Variants in MARCHF4 observed in about 807,000 individuals in gnomAD.
MARCHF4 encodes the protein membrane associated ring-CH-type finger 4.
Under a neutral mutation model 43.9 loss-of-function variants are expected in MARCHF4, and 14 were observed. The ratio of observed to expected loss-of-function variants is 0.32; its 90% CI spans 0.21 to 0.50. MARCHF4 has a LOEUF of 0.50. Ranked by LOEUF, MARCHF4 falls within the 20% of genes least tolerant of loss-of-function variation. The pLI is 0.98. For synonymous variants in MARCHF4, 226 were observed against 213.3 expected, an observed-to-expected ratio of 1.06 and a Z score of -0.52; for missense variants, 468 against 536.7, an observed-to-expected ratio of 0.87 and a Z score of 1.27.
intron 1 of MARCHF4, among the ~76,000 whole-genome samples, chr2:216,294,004 C>CA (rs145416856): frequency 0.1 from 10,043 of 100,824 alleles, 2,245 homozygotes; most frequent in Non-Finnish European, 0.17. Context: ...CAAACAGCTA[C>CA]AGTTAAAGAC....
intron 1 of MARCHF4, among the ~76,000 whole-genome samples, chr2:216,360,776 C>T (rs6725190): frequency 0.066 from 10,062 of 152,198 alleles, 883 homozygotes; most frequent in East Asian, 0.43. Context: ...AATGATGTGT[C>T]AGTGTAGGGT....
At chr2:216,277,373 C>T (rs1193419549) in intron 3 of MARCHF4, among the ~76,000 whole-genome samples, 1 of 152,198 alleles carries the variant, frequency 6.6e-6, no homozygotes, top group Non-Finnish European at 1.5e-5. Flanking sequence ...GCACATCCTG[C>T]TTGAAGTACA....
intron 3 of MARCHF4, among the ~76,000 whole-genome samples, chr2:216,270,818 A>G (rs923986453): frequency 1.3e-5 from 2 of 151,934 alleles, no homozygotes; most frequent in African/African-American, 4.8e-5. Context: ...GAGGGACCCA[A>G]ACAACCCTAT....
Position 216,277,802 on chromosome 2 carries a change from G to A in MARCHF4, c.735C>T (p.Ser245=). The A allele has an allele frequency of 6.2e-7, 1 of 1,614,122 alleles. No homozygotes were observed. The change falls in exon 3 of 4, where the codon TCC becomes TCT. Residue 245 remains serine (S), a synonymous_variant. Transcript: ENST00000273067. ...KVQVAAAILG[S]LFLIASISWL... ...AAGAAATACTGGCGATGAGGAAGAG[G>A]GAGCCCAGGATGGCGGCTGCAACCT...
At chr2:216,305,667 C>T (rs187933326) in intron 1 of MARCHF4, among the ~76,000 whole-genome samples, 3 of 152,336 alleles carry the variant, frequency 2.0e-5, no homozygotes, top group Non-Finnish European at 2.9e-5. Flanking sequence ...CACCCACAGA[C>T]TCAGACTCTA....
chr2:216,283,344 C>G (rs558750032), intron 2 of MARCHF4, among the ~76,000 whole-genome samples: 24 of 152,238 alleles, frequency 1.6e-4, no homozygotes, highest in African/African-American at 5.5e-4. Flanking sequence ...GTATCTATTT[C>G]CCTCTCTTTG....
chr2:216,362,006 A>G (rs1692590264), intron 1 of MARCHF4, among the ~76,000 whole-genome samples: 1 of 152,216 alleles, frequency 6.6e-6, no homozygotes. Context: ...ATCTAGGTCC[A>G]GGGAGGTTAA....
chr2:216,288,668 TG>T, intron 1 of MARCHF4, among the ~76,000 whole-genome samples: 1 of 152,092 alleles, frequency 6.6e-6, no homozygotes, highest in Middle Eastern at 3.4e-3. Context: ...ATGGGTTAAG[TG>T]GGGTCGTGCT....
intron 1 of MARCHF4, among the ~76,000 whole-genome samples, chr2:216,326,727 C>T (rs544201005): frequency 7.6e-4 from 114 of 150,826 alleles, no homozygotes; most frequent in African/African-American, 2.3e-3. Flanking sequence ...AACCAAACAC[C>T]GCATATTCTC....
intron 1 of MARCHF4, among the ~76,000 whole-genome samples, chr2:216,287,894 C>G (rs1022209602): frequency 6.6e-6 from 1 of 152,074 alleles, no homozygotes; most frequent in African/African-American, 2.4e-5. Context: ...CTCTTAACCT[C>G]TCTGAGGCTC....
chr2:216,279,184 G>A (rs1218734860), intron 2 of MARCHF4, among the ~76,000 whole-genome samples: 1 of 152,232 alleles, frequency 6.6e-6, no homozygotes, highest in African/African-American at 2.4e-5. Flanking sequence ...TGACTAAGCG[G>A]TTACTAGGCA....
intron 1 of MARCHF4, among the ~76,000 whole-genome samples, chr2:216,286,057 C>A (rs1372768281): frequency 3.9e-5 from 6 of 152,178 alleles, no homozygotes; most frequent in Non-Finnish European, 8.8e-5. Context: ...TGGGAGCCCC[C>A]TGAGCCTCAG....
intron 1 of MARCHF4, among the ~76,000 whole-genome samples, chr2:216,341,412 C>A (rs778508187): frequency 3.3e-5 from 5 of 152,216 alleles, no homozygotes; most frequent in Non-Finnish European, 4.4e-5. Flanking sequence ...GCCGCCCAGA[C>A]CCCACCCACA....
chr2:216,340,108 A>T (rs533340880), intron 1 of MARCHF4, among the ~76,000 whole-genome samples: 38 of 152,130 alleles, frequency 2.5e-4, no homozygotes, highest in African/African-American at 8.7e-4. Flanking sequence ...CCTCGCCCCA[A>T]ACAAAAGAAA....
intron 1 of MARCHF4, among the ~76,000 whole-genome samples, chr2:216,302,118 A>G (rs967846523): frequency 2.0e-5 from 3 of 152,228 alleles, no homozygotes; most frequent in African/African-American, 7.2e-5. Context: ...AATTTGCAGT[A>G]AACTCTACTT....
chr2:216,359,083 G>A (rs2105983507), intron 1 of MARCHF4, among the ~76,000 whole-genome samples: 1 of 152,298 alleles, frequency 6.6e-6, no homozygotes, highest in South Asian at 2.1e-4. Flanking sequence ...AAACCCCCAA[G>A]CTTCAGTGTC....
intron 3 of MARCHF4, among the ~76,000 whole-genome samples, chr2:216,262,195 G>A (rs1193151449): frequency 1.3e-5 from 2 of 152,198 alleles, no homozygotes; most frequent in Non-Finnish European, 2.9e-5. Context: ...AAGTAGGAGT[G>A]TGAATTTACA....
At chr2:216,293,017 C>T (rs1368730616) in intron 1 of MARCHF4, among the ~76,000 whole-genome samples, 2 of 152,184 alleles carry the variant, frequency 1.3e-5, no homozygotes, top group African/African-American at 4.8e-5. Flanking sequence ...AAGTGAGTTT[C>T]CCCCTTATCT....
At chr2:216,361,375 T>G (rs921162721) in intron 1 of MARCHF4, among the ~76,000 whole-genome samples, 2 of 152,170 alleles carry the variant, frequency 1.3e-5, no homozygotes, top group African/African-American at 4.8e-5. Flanking sequence ...TCCCAGGCTT[T>G]CAGAAACACT....
Sources: gnomAD v4.1 joint callset for allele counts (sites outside exome capture counted in the v4.1 genomes callset) on GRCh38, gnomAD v4.1.1 for gene constraint, MANE v1.5 for transcripts, NCBI Gene and HGNC (gene_info 2026-07-23, HGNC 2026-07-21) for gene names.